The following ZNF557 variants were observed in gnomAD, a reference collection of about 807,000 sequenced individuals.
The protein encoded by ZNF557 is CTB-25J19.9.
Under a neutral mutation model 21.2 loss-of-function variants are expected in ZNF557, and 19 were observed. That is an observed-to-expected ratio of 0.90 (90% CI 0.63 to 1.32). The LOEUF (loss-of-function observed/expected upper bound fraction) is 1.32, where lower values mean the gene tolerates loss of function less well. Ranked by LOEUF, ZNF557 falls within the 40% of genes most tolerant of loss-of-function variation. The pLI is 0.00. For missense variants in ZNF557, 487 were observed against 519.8 expected (o/e 0.94, Z 0.61); for synonymous variants, 207 against 194.8 (o/e 1.06, Z -0.52).
Position 7,083,462 on chromosome 19 carries a change from G to A in ZNF557, c.1011G>A (p.Gln337=). ...TCAGGAGGAGGTCGAATCTGACACA[G>A]CACATAAGAACTCATACTGGAGAAA... ...RTFRRRSNLT[Q]HIRTHTGEKP... is the part of the protein sequence containing the mutation. Residue 337 remains glutamine, a synonymous_variant, in exon 8 of 8, where the codon CAG becomes CAA. Transcript: ENST00000252840. 1 of 1,614,194 alleles carries A rather than the reference G, an allele frequency of 6.2e-7. No individual in the cohort carries two copies. Among genetic ancestry groups the A allele is most frequent in the Non-Finnish European group, 8.5e-7 (1 of 1,180,036 alleles).
intron 5 of ZNF557, among the ~76,000 whole-genome samples, chr19:7,079,452 G>A (rs542709346): frequency 9.9e-5 from 15 of 151,690 alleles, no homozygotes; most frequent in Middle Eastern, 3.4e-3. Flanking sequence ...GTGTTAGCCA[G>A]GATGATCTCG....
rs1349610917 is a variant in ZNF557 at position 7,083,538 on chromosome 19, C to T, written c.1087C>T (p.Leu363Phe). 4 of 1,614,070 alleles carry T rather than the reference C, an allele frequency of 2.5e-6. No homozygotes were observed. Among genetic ancestry groups the T allele is most frequent in the African/African-American group, 1.3e-5 (1 of 74,936 alleles). The change falls in exon 8 of 8, where the codon CTT becomes TTT. Residue 363 changes from leucine to phenylalanine, a missense_variant. Physicochemically the swap from Leu to Phe is conservative, Grantham distance 22. Coordinates refer to ENST00000252840, the MANE Select transcript of ZNF557 (RefSeq NM_024341.3). ...CGKSFTNSFSLTIHRRIHNGE... is the reference protein window; with the variant it reads ...CGKSFTNSFSFTIHRRIHNGE... ...GAAATCCTTTACCAATAGCTTTTCT[C>T]TTACAATTCACAGGAGAATACATAA...
rs1314792378 is a variant in ZNF557 at position 7,083,821 on chromosome 19, G to C, written c.*77G>C. On this transcript the variant is annotated 3_prime_UTR_variant, in exon 8 of 8. Coordinates refer to ENST00000252840, the MANE Select transcript of ZNF557 (RefSeq NM_024341.3). ...ATGAGCAAACTCTAACAAGATGTATGAATCACCTGCTACTGTGTAACAAAT... is the reference window on the plus strand; with the variant it reads ...ATGAGCAAACTCTAACAAGATGTATCAATCACCTGCTACTGTGTAACAAAT... The C allele has an allele frequency of 6.7e-7, 1 of 1,498,686 alleles. No homozygotes were observed. The highest frequency in any genetic ancestry group is 2.3e-5 in the East Asian group (1 of 43,978). 92.8% of individuals were successfully genotyped at this position (1,498,686 alleles called of 1,614,324 possible).
chr19:7,073,748 G>A (rs559787257), intron 2 of ZNF557, among the ~76,000 whole-genome samples: 61 of 152,088 alleles, frequency 4.0e-4, no homozygotes, highest in Non-Finnish European at 7.2e-4. Flanking sequence ...TTCTCTCCCC[G>A]GAGATTGGGG....
At position 7,076,406 on chromosome 19, in the gene ZNF557, C is replaced by A. The variant is rs1977588154; in HGVS notation, c.146C>A (p.Ala49Asp). ...LKGLVTFEDV[A>D]VEFTQEEWAL... ...GGCTTGGTGACCTTTGAGGATGTGG[C>A]CGTGGAGTTCACCCAGGAGGAGTGG... Residue 49 changes from alanine to aspartate, a missense_variant, in exon 5 of 8, where the codon GCC becomes GAC. By Grantham distance (126) the Ala-to-Asp change is moderately radical. Coordinates refer to ENST00000252840, the MANE Select transcript of ZNF557 (RefSeq NM_024341.3). The A allele has an allele frequency of 6.2e-7, 1 of 1,614,144 alleles. No individual in the cohort carries two copies. The highest frequency in any genetic ancestry group is 8.5e-7 in the Non-Finnish European group (1 of 1,180,034).
Position 7,085,445 on chromosome 19 carries a change from C to G in ZNF557, c.*1701C>G, listed in dbSNP as rs556371317. ...TCCCAAAATGCTGGGAATACAGGAA[C>G]GAGCTACCACTCTCAGCCAGAACTT... On this transcript the variant is annotated 3_prime_UTR_variant, in exon 8 of 8. Transcript: ENST00000252840. 1 of 152,108 alleles carries G rather than the reference C, an allele frequency of 6.6e-6. No homozygotes were observed. Among genetic ancestry groups the G allele is most frequent in the East Asian group, 1.9e-4 (1 of 5,198 alleles). 9.4% of individuals were successfully genotyped at this position (152,108 alleles called of 1,614,324 possible).
chr19:7,074,883 C>G, intron 2 of ZNF557, 113 bp from the exon 3 acceptor site: 3 of 674,294 alleles, frequency 4.4e-6, no homozygotes. Context: ...AGGCAGGGCA[C>G]GGGCAGGAGA....
intron 2 of ZNF557, among the ~76,000 whole-genome samples, chr19:7,074,519 C>G (rs1229380122): frequency 6.6e-6 from 1 of 150,854 alleles, no homozygotes; most frequent in African/African-American, 2.4e-5. Flanking sequence ...AATAATCTTA[C>G]ACAACTTTTA....
chr19:7,081,531 A>G, intron 6 of ZNF557, 76 bp downstream of exon 6: 2 of 979,724 alleles, frequency 2.0e-6, no homozygotes, highest in Non-Finnish European at 3.2e-6. Context: ...GTATTATAAT[A>G]CATTAGGAAA....
At chr19:7,076,094 T>A (rs1026881262) in intron 4 of ZNF557, among the ~76,000 whole-genome samples, 1 of 152,168 alleles carries the variant, frequency 6.6e-6, no homozygotes, top group African/African-American at 2.4e-5. Flanking sequence ...CATGATCCCC[T>A]GGAGACTGAG....
At chr19:7,071,559 G>A (rs1490028783) in intron 2 of ZNF557, among the ~76,000 whole-genome samples, 1 of 152,138 alleles carries the variant, frequency 6.6e-6, no homozygotes, top group Non-Finnish European at 1.5e-5. Context: ...ATAATTTGTG[G>A]CCAGGAGCAG....
chr19:7,076,588 C>G lies in ZNF557; in HGVS notation c.247+81C>G. 6 of 1,547,968 alleles carry G rather than the reference C, an allele frequency of 3.9e-6. No individual in the cohort carries two copies. In the South Asian group the frequency reaches 7.5e-5, roughly 19 times the overall value. ...TTTCTTTTTTTAAATTGAGGTAACACAGGACACAAAAGTCACCATTTAAAC... is the reference window on the plus strand; with the variant it reads ...TTTCTTTTTTTAAATTGAGGTAACAGAGGACACAAAAGTCACCATTTAAAC... On this transcript the variant is annotated intron_variant, in intron 5 of 7. Coordinates refer to ENST00000252840, the MANE Select transcript of ZNF557 (RefSeq NM_024341.3).
chr19:7,083,083 A>T lies in ZNF557; in HGVS notation c.632A>T (p.Asn211Ile), dbSNP rs751657962. ...IHNGEKPYEC[N>I]DCGKTFSSRS... Reference sequence around the variant, plus strand: ...AATGGGGAGAAACCCTATGAATGCAATGACTGTGGGAAAACCTTCAGCAGC... The same window carrying T: ...AATGGGGAGAAACCCTATGAATGCATTGACTGTGGGAAAACCTTCAGCAGC... The change falls in exon 8 of 8, where the codon AAT (asparagine) becomes ATT (isoleucine). Residue 211 changes from asparagine to isoleucine, a missense_variant. Transcript: ENST00000252840. 1.4e-5 allele frequency: 23 copies of T among 1,613,848 alleles called. No homozygotes were observed. The highest frequency in any genetic ancestry group is 1.9e-5 in the Non-Finnish European group (23 of 1,179,892).
rs1977772503 is a variant in ZNF557, at chr19:7,083,684, A to G, written c.1233A>G (p.Lys411=). The part of the protein sequence containing the change: ...KKPYECNYCG[K]SFTSNSYLSV... ...CCTATGAATGTAATTATTGCGGGAA[A>G]TCCTTCACAAGTAACTCCTACCTTT... Residue 411 remains lysine, a synonymous_variant, in exon 8 of 8, where the codon AAA becomes AAG. Transcript: ENST00000252840. 1 of 1,614,046 alleles carries G rather than the reference A, an allele frequency of 6.2e-7. No individual in the cohort carries two copies. Among genetic ancestry groups the G allele is most frequent in the Non-Finnish European group, 8.5e-7 (1 of 1,179,972 alleles).
rs1368891935 is a variant in ZNF557, at chr19:7,087,150, A to G, written c.*3406A>G. The stretch of plus-strand genomic sequence containing the variant: ...GACACCGTCTGGCTTATTCTCATCT[A>G]TTTTCTTTTCATTCTTTTGGAAAGT... On this transcript the variant is annotated 3_prime_UTR_variant, in exon 8 of 8. Coordinates refer to ENST00000252840, the MANE Select transcript of ZNF557 (RefSeq NM_024341.3). The G allele has an allele frequency of 7.3e-6, 1 of 137,128 alleles. No individual in the cohort carries two copies. The highest frequency in any genetic ancestry group is 1.6e-5 in the Non-Finnish European group (1 of 63,906). 8.5% of individuals were successfully genotyped at this position (137,128 alleles called of 1,614,324 possible). A position where few individuals can be genotyped will look rare whatever the true frequency, so the allele number is the denominator to read the frequency against.
chr19:7,079,240 C>CTTTTTT (rs71177151), intron 5 of ZNF557, among the ~76,000 whole-genome samples: 2 of 87,494 alleles, frequency 2.3e-5, no homozygotes, highest in Non-Finnish European at 4.5e-5. Flanking sequence ...TTTTTTGTTT[C>CTTTTTT]TTTTTTTTTT....
intron 5 of ZNF557, among the ~76,000 whole-genome samples, chr19:7,079,328 G>A (rs1326587366): frequency 1.4e-5 from 2 of 142,344 alleles, no homozygotes; most frequent in South Asian, 2.2e-4. Context: ...TGCAAGCTCT[G>A]CCTCCCAGGT....
At chr19:7,076,685 G>A (rs1343564170) in intron 5 of ZNF557, among the ~76,000 whole-genome samples, 178 bp downstream of exon 5, 1 of 152,056 alleles carries the variant, frequency 6.6e-6, no homozygotes, top group Admixed American at 6.5e-5. Flanking sequence ...ACTAATTCCA[G>A]AACATAGTTG....
chr19:7,076,354 TA>T (rs1346595139), intron 4 of ZNF557, 26 bp from the exon 5 acceptor site: 1 of 1,614,142 alleles, frequency 6.2e-7, no homozygotes, highest in Admixed American at 1.7e-5. Context: ...GGTCCTTGGC[TA>T]AGCCGTGATG....
Sources: gnomAD v4.1 joint callset for allele counts (sites outside exome capture counted in the v4.1 genomes callset) on GRCh38, gnomAD v4.1.1 for gene constraint, MANE v1.5 for transcripts, NCBI Gene and HGNC (gene_info 2026-07-23, HGNC 2026-07-21) for gene names.